SRRM3: variants seen among roughly 807,000 people sequenced by gnomAD.
The protein encoded by SRRM3 is serine/arginine repetitive matrix 3.
Under a neutral mutation model 66.2 loss-of-function variants are expected in SRRM3, and 27 were observed. That is an observed-to-expected ratio of 0.41 (90% CI 0.30 to 0.56). The LOEUF (loss-of-function observed/expected upper bound fraction) is 0.56. SRRM3 is among the 20% of genes least tolerant of loss of function. The pLI is 0.32. For missense variants in SRRM3, 918 were observed against 991.9 expected (o/e 0.93, Z 1.00); for synonymous variants, 391 against 414.9 (o/e 0.94, Z 0.70).
At chr7:76,266,279 T>TATAAA in intron 10 of SRRM3, among the ~76,000 whole-genome samples, 6 of 118,236 alleles carry the variant, frequency 5.1e-5, no homozygotes, top group African/African-American at 2.1e-4. Context: ...TTTAATTATA[T>TATAAA]TATATATTTA....
intron 2 of SRRM3, among the ~76,000 whole-genome samples, chr7:76,240,391 C>T (rs554792281): frequency 2.6e-5 from 4 of 152,024 alleles, no homozygotes; most frequent in Admixed American, 6.6e-5. Context: ...GAGGCCGAGG[C>T]GAGCAGATCA....
intron 2 of SRRM3, among the ~76,000 whole-genome samples, chr7:76,238,649 T>C (rs1801206031): frequency 6.6e-6 from 1 of 152,178 alleles, no homozygotes; most frequent in South Asian, 2.1e-4. Flanking sequence ...CTTCTTGCCA[T>C]GCCTCTTTTT....
At chr7:76,248,023 C>CT (rs1421742029) in intron 2 of SRRM3, among the ~76,000 whole-genome samples, 165 bp from the exon 3 acceptor site, 2 of 152,146 alleles carry the variant, frequency 1.3e-5, no homozygotes, top group Non-Finnish European at 2.9e-5. Context: ...CTTGAGCTTC[C>CT]TCAGTGCTGA....
At chr7:76,227,844 G>A (rs201541065) in intron 1 of SRRM3, among the ~76,000 whole-genome samples, 57 of 152,064 alleles carry the variant, frequency 3.7e-4, no homozygotes, top group Non-Finnish European at 1.9e-4. Flanking sequence ...TTCATCCTAC[G>A]ACAAACTGCT....
intron 11 of SRRM3, chr7:76,273,075 T>G: frequency 6.6e-6 from 1 of 152,406 alleles, no homozygotes; most frequent in African/African-American, 2.4e-5. Context: ...GGGGGCACCT[T>G]TCTCTCTTCC....
chr7:76,281,659 G>A lies in SRRM3; in HGVS notation c.1227G>A (p.Arg409=), dbSNP rs574196569. 0.03 allele frequency: 29,676 copies of A among 978,192 alleles called. 551 individuals are homozygous for A. Among genetic ancestry groups the A allele is most frequent in the South Asian group, 0.084 (1,845 of 21,836 alleles). 60.6% of individuals were successfully genotyped at this position (978,192 alleles called of 1,614,324 possible). Residue 409 remains arginine (R), a synonymous_variant, in exon 12 of 15, where the codon CGG becomes CGA. Coordinates refer to ENST00000611745, the MANE Select transcript of SRRM3 (RefSeq NM_001110199.3). ...SASAPRRRGR[R]RPRPAPPRGS... ...CCGCGCCCCGCCGCAGGGGTCGCCG[G>A]CGCCCCCGGCCCGCGCCCCCCCGGG... is the stretch of plus-strand genomic sequence containing the variant.
intron 2 of SRRM3, among the ~76,000 whole-genome samples, chr7:76,244,104 G>C (rs1801377520): frequency 6.6e-6 from 1 of 152,098 alleles, no homozygotes; most frequent in Non-Finnish European, 1.5e-5. Flanking sequence ...GAGGGGATGG[G>C]GGGTTAGAAG....
intron 3 of SRRM3, among the ~76,000 whole-genome samples, chr7:76,259,583 TA>T (rs111908455): frequency 3.2e-3 from 433 of 135,268 alleles, no homozygotes; most frequent in Non-Finnish European, 3.5e-3. Flanking sequence ...TCTCCAAAAT[TA>T]AAAAAAAAAA....
At chr7:76,214,479 GA>G (rs1800508105) in intron 1 of SRRM3, among the ~76,000 whole-genome samples, 1 of 152,194 alleles carries the variant, frequency 6.6e-6, no homozygotes. Context: ...CAAGGACCTT[GA>G]AAAGCTGTGC....
At chr7:76,239,546 T>G (rs898509398) in intron 2 of SRRM3, among the ~76,000 whole-genome samples, 15 of 151,946 alleles carry the variant, frequency 9.9e-5, no homozygotes, top group African/African-American at 3.1e-4. Context: ...AAAAAAAAAT[T>G]TTTTTAACTA....
chr7:76,229,881 T>C (rs1338055486), intron 1 of SRRM3, among the ~76,000 whole-genome samples: 1 of 151,670 alleles, frequency 6.6e-6, no homozygotes, highest in Non-Finnish European at 1.5e-5. Context: ...ATAGCTTAGA[T>C]TGCAGGCATG....
At chr7:76,226,530 G>A (rs945762335) in intron 1 of SRRM3, among the ~76,000 whole-genome samples, 1 of 152,220 alleles carries the variant, frequency 6.6e-6, no homozygotes, top group Admixed American at 6.5e-5. Flanking sequence ...GCTCCTGGCT[G>A]TATCAGCAGA....
intron 5 of SRRM3, 131 bp downstream of exon 5, chr7:76,260,328 C>T (rs1365249082): frequency 4.3e-5 from 29 of 675,092 alleles, no homozygotes; most frequent in Non-Finnish European, 6.3e-5. Flanking sequence ...CTCGCCCTCC[C>T]CGTGCCGTCC....
At chr7:76,226,937 G>A (rs529902442) in intron 1 of SRRM3, among the ~76,000 whole-genome samples, 12 of 152,206 alleles carry the variant, frequency 7.9e-5, no homozygotes, top group Admixed American at 7.9e-4. Flanking sequence ...TCCAGAGTAG[G>A]AAAGGACCCT....
At chr7:76,279,077 G>A (rs1554611505) in intron 11 of SRRM3, among the ~76,000 whole-genome samples, 1 of 152,104 alleles carries the variant, frequency 6.6e-6, no homozygotes, top group African/African-American at 2.4e-5. Context: ...TGGCCAACAC[G>A]GTGAAACCCC....
chr7:76,248,283 G>A lies in SRRM3; in HGVS notation c.329G>A (p.Gly110Asp), dbSNP rs552880717. The part of the protein sequence containing the change: ...GVLTREDRPG[G>D]HIVAETPRLT... The stretch of plus-strand genomic sequence containing the variant: ...CTCACCAGGGAGGACCGGCCTGGGG[G>A]CCACATGTGAGTGCTTACCTGTGTG... Residue 110 changes from glycine (G) to aspartate (D), a missense_variant, in exon 3 of 15, where the codon GGC (glycine) becomes GAC (aspartate). Coordinates refer to ENST00000611745, the MANE Select transcript of SRRM3 (RefSeq NM_001110199.3). The A allele has an allele frequency of 1.2e-6, 2 of 1,612,544 alleles. No homozygotes were observed. The highest frequency in any genetic ancestry group is 2.2e-5 in the East Asian group (1 of 44,872).
chr7:76,267,653 G>T, intron 11 of SRRM3: 1 of 419,400 alleles, frequency 2.4e-6, no homozygotes, highest in Non-Finnish European at 4.0e-6. Context: ...GTCAGGGTGA[G>T]GGGCGCCTGC....
At chr7:76,265,535 A>G in intron 10 of SRRM3, 67 bp downstream of exon 10, 3 of 1,262,382 alleles carry the variant, frequency 2.4e-6, no homozygotes, top group African/African-American at 1.5e-5. Context: ...AACACCCCCA[A>G]GGGCTGGGGA....
rs555653907 is a variant in SRRM3 at position 76,282,822 on chromosome 7, G to C, written c.1545G>C (p.Lys515Asn). ...AATCTCGCTCGCGCTCTGCGGAGAA[G>C]CGGCCCCACAGCCCCAGCCGCTCGC... ...PSKSRSRSAEKRPHSPSRSPS... is the reference protein window; with the variant it reads ...PSKSRSRSAENRPHSPSRSPS... Residue 515 changes from lysine to asparagine, a missense_variant, in exon 13 of 15, where the codon AAG becomes AAC. Transcript: ENST00000611745. 61 of 1,462,668 alleles carry C rather than the reference G, an allele frequency of 4.2e-5. 1 individual carries two copies. In the South Asian group the frequency reaches 6.1e-4, roughly 15 times the overall value. The allele number at this position is 1,462,668 out of a possible 1,614,324, so 90.6% of individuals were successfully genotyped here.
Sources: gnomAD v4.1 joint callset for allele counts (sites outside exome capture counted in the v4.1 genomes callset) on GRCh38, gnomAD v4.1.1 for gene constraint, MANE v1.5 for transcripts, NCBI Gene and HGNC (gene_info 2026-07-23, HGNC 2026-07-21) for gene names.